MAP1LC3B2: variants seen among roughly 807,000 people sequenced by gnomAD.
MAP1LC3B2 encodes the protein microtubule-associated protein 1 light chain 3 beta 2.
For synonymous variants in MAP1LC3B2, 62 were observed against 57.8 expected (o/e 1.07, Z -0.33); for missense variants, 155 against 154.6 (o/e 1.00, Z -0.01).
intron 1 of MAP1LC3B2, among the ~76,000 whole-genome samples, chr12:116,575,198 C>T (rs1384728887): frequency 1.4e-5 from 2 of 143,946 alleles, no homozygotes; most frequent in African/African-American, 2.6e-5. Context: ...AAAAAAAAAG[C>T]AAGCAAATAT....
chr12:116,568,409 T>C (rs1432523468), intron 1 of MAP1LC3B2, among the ~76,000 whole-genome samples: 1 of 152,246 alleles, frequency 6.6e-6, no homozygotes, highest in Non-Finnish European at 1.5e-5. Context: ...TGGGTCCTCA[T>C]AGCACTTTTT....
chr12:116,571,618 C>T (rs1444657386), intron 1 of MAP1LC3B2, among the ~76,000 whole-genome samples: 1 of 151,320 alleles, frequency 6.6e-6, no homozygotes, highest in African/African-American at 2.4e-5. Context: ...GTAGCTGGGA[C>T]TACAGGTGCC....
rs111621675 is a variant in MAP1LC3B2 at position 116,565,348 on chromosome 12, C to T, written c.-102+5915C>T. On this transcript the variant is annotated intron_variant, in intron 1 of 1. Transcript: ENST00000556529. ...GAAGGCAAAGAGGAGCAAGTCATGT[C>T]TTACATGGATGGAGGCAGGAAAAGA... Among the ~76,000 whole-genome samples the T allele has an allele frequency of 4.5e-3, 691 of 152,324 alleles. 2 individuals are homozygous for T. The highest frequency in any genetic ancestry group is 0.016 in the African/African-American group (647 of 41,570).
At chr12:116,560,254 A>G (rs1478671792) in intron 1 of MAP1LC3B2, among the ~76,000 whole-genome samples, 2 of 138,604 alleles carry the variant, frequency 1.4e-5, no homozygotes, top group East Asian at 2.1e-4. Context: ...ATGTATATGT[A>G]TATATATATA....
intron 1 of MAP1LC3B2, among the ~76,000 whole-genome samples, chr12:116,566,068 A>G (rs1869378420): frequency 6.6e-6 from 1 of 152,186 alleles, no homozygotes; most frequent in South Asian, 2.1e-4. Context: ...CATCTAGACA[A>G]TAACAAACTT....
In MAP1LC3B2 at chr12:116,568,317, G is replaced by A. The variant is rs190852627; in HGVS notation, c.-101-7525G>A. ...TGAGCGAATGCCCTGAACCTCACAT[G>A]TGGCCACAGCCTAACAATCTCTGGA... On this transcript the variant is annotated intron_variant, in intron 1 of 1. Coordinates refer to ENST00000556529, the MANE Select transcript of MAP1LC3B2 (RefSeq NM_001085481.3). 1.6e-4 allele frequency among the ~76,000 whole-genome samples: 24 copies of A among 152,364 alleles called. No homozygotes were observed. The East Asian group carries it at 4.6e-3, about 29-fold the overall frequency.
intron 1 of MAP1LC3B2, chr12:116,560,226 A>ATATATATATATATATATGTATGTATATG (rs1869231461): frequency 4.9e-5 from 5 of 101,094 alleles, no homozygotes; most frequent in African/African-American, 2.0e-4. Flanking sequence ...ATATATATAT[A>ATATATATATATATATATGTATGTATATG]TATATATATA....
rs1032644127 is a variant in MAP1LC3B2 at position 116,559,411 on chromosome 12, AG to A, written c.-121del. 9 of 152,344 alleles carry A rather than the reference AG, an allele frequency of 5.9e-5. No homozygotes were observed. The highest frequency in any genetic ancestry group is 2.2e-4 in the African/African-American group (9 of 41,570). The allele number at this position is 152,344 out of a possible 1,614,324, so 9.4% of individuals were successfully genotyped here. ...GCTCGCAGCCACCTCTCGGGAGTGCAGGGCCAGATCCTGTGCCAGCGGGTAG... is the reference window on the plus strand; with the variant it reads ...GCTCGCAGCCACCTCTCGGGAGTGCAGGCCAGATCCTGTGCCAGCGGGTAG... On this transcript the variant is annotated 5_prime_UTR_variant, in exon 1 of 2. Transcript: ENST00000556529.
At position 116,575,723 on chromosome 12, in the gene MAP1LC3B2, C is replaced by T. The variant is rs1869654043; in HGVS notation, c.-101-119C>T. 3 of 609,540 alleles carry T rather than the reference C, an allele frequency of 4.9e-6. 1 individual carries two copies. The South Asian group carries it at 5.9e-5, about 12-fold the overall frequency. 37.8% of individuals were successfully genotyped at this position (609,540 alleles called of 1,614,324 possible). A position where few individuals can be genotyped will look rare whatever the true frequency, so the allele number is the denominator to read the frequency against. On this transcript the variant is annotated intron_variant, in intron 1 of 1. Transcript: ENST00000556529. Reference sequence around the variant, plus strand: ...GACCCCAAAATAATGTACTATAGAACAGGTGTCAGCAGATGTTTTCTGTAA... The same window carrying T: ...GACCCCAAAATAATGTACTATAGAATAGGTGTCAGCAGATGTTTTCTGTAA...
At chr12:116,570,011 G>A (rs1002398521) in intron 1 of MAP1LC3B2, among the ~76,000 whole-genome samples, 5 of 151,986 alleles carry the variant, frequency 3.3e-5, no homozygotes, top group Admixed American at 6.6e-5. Context: ...CCGAGATCGC[G>A]CCACTGCACT....
chr12:116,574,142 G>T (rs1230266947), intron 1 of MAP1LC3B2, among the ~76,000 whole-genome samples: 4 of 151,964 alleles, frequency 2.6e-5, no homozygotes, highest in Non-Finnish European at 5.9e-5. Flanking sequence ...TTTAAGCTGT[G>T]GCCCAGGACT....
intron 1 of MAP1LC3B2, among the ~76,000 whole-genome samples, chr12:116,566,544 T>C (rs1024532006): frequency 2.0e-5 from 3 of 151,038 alleles, no homozygotes; most frequent in Non-Finnish European, 2.9e-5. Context: ...AAATGTTGTT[T>C]TCTTGTATGA....
chr12:116,559,910 C>G (rs1869207393), intron 1 of MAP1LC3B2: 1 of 151,924 alleles, frequency 6.6e-6, no homozygotes. Context: ...GGTTACTGCT[C>G]CAGTTTTGCT....
At chr12:116,571,089 A>C (rs567983160) in intron 1 of MAP1LC3B2, among the ~76,000 whole-genome samples, 1 of 152,232 alleles carries the variant, frequency 6.6e-6, no homozygotes, top group African/African-American at 2.4e-5. Flanking sequence ...CAAACGGCTT[A>C]AAGCTGCAAT....
rs78152888 is a variant in MAP1LC3B2 at position 116,575,871 on chromosome 12, C to T, written c.-72C>T. On this transcript the variant is annotated 5_prime_UTR_variant, in exon 2 of 2. Transcript: ENST00000556529. ...ACACGGCCACAGTCGGATTCGCTGCCGCAGCAGCCGCCACCCCCAGGAGCC... is the reference window on the plus strand; with the variant it reads ...ACACGGCCACAGTCGGATTCGCTGCTGCAGCAGCCGCCACCCCCAGGAGCC... The T allele has an allele frequency of 0.046, 73,584 of 1,586,476 alleles. 2,889 individuals carry two copies. The highest frequency in any genetic ancestry group is 0.2 in the African/African-American group (14,636 of 74,326).
chr12:116,560,238 A>G (rs7954575), intron 1 of MAP1LC3B2, among the ~76,000 whole-genome samples: 46,752 of 105,434 alleles, frequency 0.44, 11,410 homozygotes, highest in African/African-American at 0.58. Context: ...ATATATATAT[A>G]TATGTATGTA....
chr12:116,573,070 C>T lies in MAP1LC3B2; in HGVS notation c.-101-2772C>T, dbSNP rs139796370. The stretch of plus-strand genomic sequence containing the variant: ...CTCTTGAGTAGCTGGGACTACAGCA[C>T]GTGCCACAATGCCCAGCTGATTTTT... On this transcript the variant is annotated intron_variant, in intron 1 of 1. Coordinates refer to ENST00000556529, the MANE Select transcript of MAP1LC3B2 (RefSeq NM_001085481.3). Among the ~76,000 whole-genome samples the T allele has an allele frequency of 1.5e-3, 231 of 152,180 alleles. 1 individual carries two copies. Among genetic ancestry groups the T allele is most frequent in the Non-Finnish European group, 2.5e-3 (173 of 68,002 alleles).
rs189257210 is a variant in MAP1LC3B2, at chr12:116,566,900, C to T, written c.-102+7467C>T. Reference sequence around the variant, plus strand: ...GAGCCAAGATCGTGCCACTGCATTCCAGTCTGGGCCACAGAGTGAGACTCT... The same window carrying T: ...GAGCCAAGATCGTGCCACTGCATTCTAGTCTGGGCCACAGAGTGAGACTCT... On this transcript the variant is annotated intron_variant, in intron 1 of 1. Coordinates refer to ENST00000556529, the MANE Select transcript of MAP1LC3B2 (RefSeq NM_001085481.3). 3.5e-5 allele frequency among the ~76,000 whole-genome samples: 4 copies of T among 112,870 alleles called. No homozygotes were observed. The East Asian group carries it at 1.2e-3, about 33-fold the overall frequency. 74.0% of individuals were successfully genotyped at this position (112,870 alleles called of 152,430 possible). A position where few individuals can be genotyped will look rare whatever the true frequency, so the allele number is the denominator to read the frequency against.
intron 1 of MAP1LC3B2, among the ~76,000 whole-genome samples, chr12:116,573,558 C>T (rs1276721707): frequency 6.6e-6 from 1 of 152,062 alleles, no homozygotes; most frequent in African/African-American, 2.4e-5. Flanking sequence ...CGCTCTGTCG[C>T]CAGGCTAGAG....
Sources: gnomAD v4.1 joint callset for allele counts (sites outside exome capture counted in the v4.1 genomes callset) on GRCh38, gnomAD v4.1.1 for gene constraint, MANE v1.5 for transcripts, NCBI Gene and HGNC (gene_info 2026-07-23, HGNC 2026-07-21) for gene names.